TRNP1: variants seen among roughly 807,000 people sequenced by gnomAD.
The protein encoded by TRNP1 is TMF-regulated nuclear protein 1.
A neutral mutation model predicts 12.2 loss-of-function variants in TRNP1; 16 were observed. The ratio of observed to expected loss-of-function variants is 1.31; its 90% CI spans 0.89 to 1.99. The LOEUF is 1.99. Among genes scored for constraint, TRNP1 ranks in the 30% most tolerant of loss-of-function variants. TRNP1 has a pLI of 0.00. For missense variants in TRNP1, 338 were observed against 330.4 expected (o/e 1.02, Z -0.18); for synonymous variants, 139 against 166.2 (o/e 0.84, Z 1.26).
chr1:26,994,215 CCG>C lies in TRNP1; in HGVS notation c.434_435del (p.Ala145GlyfsTer127). 7.8e-7 allele frequency: 1 copy of C among 1,280,090 alleles called. No homozygotes were observed. Among genetic ancestry groups the C allele is most frequent in the Non-Finnish European group, 9.9e-7 (1 of 1,008,882 alleles). 79.3% of individuals were successfully genotyped at this position (1,280,090 alleles called of 1,614,324 possible). A position where few individuals can be genotyped will look rare whatever the true frequency, so the allele number is the denominator to read the frequency against. On this transcript the variant is annotated frameshift_variant, in exon 1 of 2. Coordinates refer to ENST00000522111, the MANE Select transcript of TRNP1 (RefSeq NM_001013642.3). LOFTEE classifies it high-confidence loss of function. This position sits in a 1 kb window ranked among gnomAD's most constrained non-coding sequence, Gnocchi z 6.9. ...TGGCGGCCGAGCTGCGCCTGGCGCA[CCG>C]CGCGGAGAGCCTGAGCCGCCTGAGC... ...FLAAELRLAH[R>X]AESLSRLSGG...
chr1:26,994,067 CG>C lies in TRNP1; in HGVS notation c.286del (p.Ala96ArgfsTer53). 1.6e-6 allele frequency: 2 copies of C among 1,215,902 alleles called. No individual in the cohort carries two copies. The highest frequency in any genetic ancestry group is 2.0e-6 in the Non-Finnish European group (2 of 979,246). The allele number at this position is 1,215,902 out of a possible 1,614,324, so 75.3% of individuals were successfully genotyped here. A position where few individuals can be genotyped will look rare whatever the true frequency, so the allele number is the denominator to read the frequency against. ...AGPGGGSGAA[A>X]GAGGRALELA... ...CCCGGAGGGGGCTCTGGCGCGGCTG[CG>C]GGGGCGGGGGGCCGCGCGCTGGAGC... is the stretch of plus-strand genomic sequence containing the variant. On this transcript the variant is annotated frameshift_variant, in exon 1 of 2. Transcript: ENST00000522111. LOFTEE classifies it high-confidence loss of function. The surrounding 1 kb of genome is among the most constrained non-coding windows in gnomAD (Gnocchi z 6.9).
chr1:26,994,674 G>A lies in TRNP1; in HGVS notation c.*142+62G>A, dbSNP rs959732214. The A allele has an allele frequency of 5.6e-5, 14 of 248,876 alleles. No individual in the cohort carries two copies. Among genetic ancestry groups the A allele is most frequent in the Non-Finnish European group, 4.3e-5 (6 of 140,782 alleles). 15.4% of individuals were successfully genotyped at this position (248,876 alleles called of 1,614,324 possible). ...CATGGCGTGTGGGGGGCTGGTCCAG[G>A]GCCCGGGAACTCCCTTCCCTGGAGC... On this transcript the variant is annotated intron_variant, in intron 1 of 1. Coordinates refer to ENST00000522111, the MANE Select transcript of TRNP1 (RefSeq NM_001013642.3). This position sits in a 1 kb window ranked among gnomAD's most constrained non-coding sequence, Gnocchi z 6.9.
Position 26,994,865 on chromosome 1 carries a change from G to C in TRNP1, c.*142+253G>C, listed in dbSNP as rs781581818. ...GTTGGCGGCAAACTTTTACCACTTG[G>C]AACCTGCCGCACGGATGCAGCACCC... On this transcript the variant is annotated intron_variant, in intron 1 of 1. Transcript: ENST00000522111. The surrounding 1 kb of genome is among the most constrained non-coding windows in gnomAD (Gnocchi z 6.9). Among the ~76,000 whole-genome samples the C allele has an allele frequency of 1.3e-5, 2 of 152,202 alleles. No homozygotes were observed. The highest frequency in any genetic ancestry group is 2.9e-5 in the Non-Finnish European group (2 of 68,038).
chr1:26,997,318 G>GAAAAAAAA (rs3028529), intron 1 of TRNP1, among the ~76,000 whole-genome samples: 1 of 81,838 alleles, frequency 1.2e-5, no homozygotes, highest in Admixed American at 1.4e-4. Flanking sequence ...TGTGTCTCAA[G>GAAAAAAAA]AAAAAAAAAA....
At position 26,994,394 on chromosome 1, in the gene TRNP1, G is replaced by A; in HGVS notation, c.608G>A (p.Arg203Gln). 1.8e-6 allele frequency: 2 copies of A among 1,124,672 alleles called. No individual in the cohort carries two copies. The highest frequency in any genetic ancestry group is 2.2e-6 in the Non-Finnish European group (2 of 920,354). 69.7% of individuals were successfully genotyped at this position (1,124,672 alleles called of 1,614,324 possible). ...GCVPWGAGRL[R>Q]RGHGPEPDSP... ...GTGCCCTGGGGTGCCGGGCGACTGC[G>A]GCGCGGCCACGGCCCCGAGCCCGAC... The change falls in exon 1 of 2, where the codon CGG becomes CAG. Residue 203 changes from arginine to glutamine, a missense_variant. Physicochemically the swap from Arg to Gln is conservative, Grantham distance 43 (BLOSUM62 1). Coordinates refer to ENST00000522111, the MANE Select transcript of TRNP1 (RefSeq NM_001013642.3). This position sits in a 1 kb window ranked among gnomAD's most constrained non-coding sequence, Gnocchi z 6.9.
At position 26,993,699 on chromosome 1, in the gene TRNP1, G is replaced by A. The variant is rs375962327; in HGVS notation, c.-88G>A. 1.3e-5 allele frequency: 16 copies of A among 1,235,386 alleles called. No homozygotes were observed. Among genetic ancestry groups the A allele is most frequent in the Non-Finnish European group, 1.5e-5 (15 of 989,648 alleles). 76.5% of individuals were successfully genotyped at this position (1,235,386 alleles called of 1,614,324 possible). A position where few individuals can be genotyped will look rare whatever the true frequency, so the allele number is the denominator to read the frequency against. ...GACGGCGGGCGCGCCTCTGGGGTGG[G>A]GGCTGTGGCCGTGTCTAGCTGTTCG... On this transcript the variant is annotated 5_prime_UTR_variant, in exon 1 of 2. Transcript: ENST00000522111.
chr1:26,997,238 T>C (rs2082549291), intron 1 of TRNP1, among the ~76,000 whole-genome samples: 1 of 140,106 alleles, frequency 7.1e-6, no homozygotes, highest in Admixed American at 8.2e-5. Flanking sequence ...CTCGGGAGGC[T>C]GAGAAAGAAT....
At chr1:26,995,205 TCA>T (rs1474669178) in intron 1 of TRNP1, among the ~76,000 whole-genome samples, 6 of 152,214 alleles carry the variant, frequency 3.9e-5, no homozygotes, top group Non-Finnish European at 5.9e-5. Flanking sequence ...ACAGCCTGAC[TCA>T]CATAACCAGG....
At chr1:26,999,392 AAAAG>A (rs1225530665) in intron 1 of TRNP1, among the ~76,000 whole-genome samples, 2 of 152,216 alleles carry the variant, frequency 1.3e-5, no homozygotes, top group Non-Finnish European at 2.9e-5. Flanking sequence ...CTCAAAAAGA[AAAAG>A]AAAACTTGAG....
At chr1:26,995,297 A>G (rs558590996) in intron 1 of TRNP1, among the ~76,000 whole-genome samples, 2 of 152,320 alleles carry the variant, frequency 1.3e-5, no homozygotes, top group African/African-American at 4.8e-5. Context: ...TGTTACTAAG[A>G]TGGCTCGGCC....
Position 26,993,990 on chromosome 1 carries a change from G to C in TRNP1, c.204G>C (p.Gln68His). 1 of 1,303,138 alleles carries C rather than the reference G, an allele frequency of 7.7e-7. No individual in the cohort carries two copies. The highest frequency in any genetic ancestry group is 9.7e-7 in the Non-Finnish European group (1 of 1,028,130). The allele number at this position is 1,303,138 out of a possible 1,614,324, so 80.7% of individuals were successfully genotyped here. Residue 68 changes from glutamine to histidine, a missense_variant, in exon 1 of 2, where the codon CAG becomes CAC. Physicochemically the swap from Gln to His is conservative, Grantham distance 24. Coordinates refer to ENST00000522111, the MANE Select transcript of TRNP1 (RefSeq NM_001013642.3). The stretch of plus-strand genomic sequence containing the variant: ...CTTCAGCAGGCGCGGCCGAGGACCA[G>C]GAGCTGCAGCGCTGGCGCCAGGGCG... ...AGASAGAAED[Q>H]ELQRWRQGAS...
In TRNP1 at chr1:26,993,909, CT is replaced by C; in HGVS notation, c.125del (p.Leu42Ter). 1 of 1,381,960 alleles carries C rather than the reference CT, an allele frequency of 7.2e-7. No individual in the cohort carries two copies. The highest frequency in any genetic ancestry group is 9.3e-7 in the Non-Finnish European group (1 of 1,076,210). The allele number at this position is 1,381,960 out of a possible 1,614,324, so 85.6% of individuals were successfully genotyped here. ...SSQPPPPTPT[L>X]TPTPTPGQSP... is the part of the protein sequence containing the mutation. ...CTCAGCCCCCGCCCCCAACTCCGAC[CT>C]TGACTCCTACCCCGACCCCGGGTCA... is the stretch of plus-strand genomic sequence containing the variant. On this transcript the variant is annotated frameshift_variant, in exon 1 of 2. Coordinates refer to ENST00000522111, the MANE Select transcript of TRNP1 (RefSeq NM_001013642.3). LOFTEE classifies it high-confidence loss of function.
In TRNP1 at chr1:26,993,714, C is replaced by T; in HGVS notation, c.-73C>T. ...TCTGGGGTGGGGGCTGTGGCCGTGTCTAGCTGTTCGGGTGTGCTGTGGTCA... is the reference window on the plus strand; with the variant it reads ...TCTGGGGTGGGGGCTGTGGCCGTGTTTAGCTGTTCGGGTGTGCTGTGGTCA... On this transcript the variant is annotated 5_prime_UTR_variant, in exon 1 of 2. Coordinates refer to ENST00000522111, the MANE Select transcript of TRNP1 (RefSeq NM_001013642.3). 5 of 1,235,906 alleles carry T rather than the reference C, an allele frequency of 4.0e-6. No homozygotes were observed. The highest frequency in any genetic ancestry group is 5.0e-6 in the Non-Finnish European group (5 of 991,180). 76.6% of individuals were successfully genotyped at this position (1,235,906 alleles called of 1,614,324 possible). A position where few individuals can be genotyped will look rare whatever the true frequency, so the allele number is the denominator to read the frequency against.
In TRNP1 at chr1:26,993,884, C is replaced by T; in HGVS notation, c.98C>T (p.Ser33Phe). 2.2e-6 allele frequency: 3 copies of T among 1,374,770 alleles called. No homozygotes were observed. Among genetic ancestry groups the T allele is most frequent in the East Asian group, 3.1e-5 (1 of 32,666 alleles). 85.2% of individuals were successfully genotyped at this position (1,374,770 alleles called of 1,614,324 possible). The change falls in exon 1 of 2, where the codon TCT becomes TTT. Residue 33 changes from serine (S) to phenylalanine (F), a missense_variant. Transcript: ENST00000522111. ...PPPPWDPMPS[S>F]QPPPPTPTLT... ...CCGCCCTGGGATCCCATGCCGTCCT[C>T]TCAGCCCCCGCCCCCAACTCCGACC...
rs1234544180 is a variant in TRNP1, at chr1:26,993,858, G to A, written c.72G>A (p.Pro24=). The A allele has an allele frequency of 1.5e-6, 2 of 1,357,312 alleles. No individual in the cohort carries two copies. The highest frequency in any genetic ancestry group is 1.9e-6 in the Non-Finnish European group (2 of 1,062,368). 84.1% of individuals were successfully genotyped at this position (1,357,312 alleles called of 1,614,324 possible). Reference sequence around the variant, plus strand: ...GGACGGCAGAGCAGAGGTCGCCGCCGCCGCCCTGGGATCCCATGCCGTCCT... The same window carrying A: ...GGACGGCAGAGCAGAGGTCGCCGCCACCGCCCTGGGATCCCATGCCGTCCT... ...QEGTAEQRSP[P]PPWDPMPSSQ... is the part of the protein sequence containing the mutation. Residue 24 remains proline, a synonymous_variant, in exon 1 of 2, where the codon CCG becomes CCA. Transcript: ENST00000522111.
intron 1 of TRNP1, among the ~76,000 whole-genome samples, chr1:26,998,158 C>T (rs932472175): frequency 5.3e-5 from 8 of 151,416 alleles, no homozygotes; most frequent in African/African-American, 9.7e-5. Flanking sequence ...TTGAGGCGGG[C>T]GGATCACGAG....
At chr1:26,996,762 TG>T (rs2082547184) in intron 1 of TRNP1, among the ~76,000 whole-genome samples, 1 of 151,338 alleles carries the variant, frequency 6.6e-6, no homozygotes, top group Non-Finnish European at 1.5e-5. Flanking sequence ...GTGGGGTGGG[TG>T]AGTAGAGAAT....
At chr1:26,998,469 C>G (rs1393851926) in intron 1 of TRNP1, among the ~76,000 whole-genome samples, 1 of 152,182 alleles carries the variant, frequency 6.6e-6, no homozygotes, top group Non-Finnish European at 1.5e-5. Context: ...AGAACCTGGC[C>G]AAGGTGGTCC....
intron 1 of TRNP1, among the ~76,000 whole-genome samples, chr1:26,995,024 A>G (rs2082538837): frequency 6.6e-6 from 1 of 152,156 alleles, no homozygotes; most frequent in African/African-American, 2.4e-5. Context: ...AGGCCCCAGG[A>G]TGGGGTGGAG....
Sources: gnomAD v4.1 joint callset for allele counts (sites outside exome capture counted in the v4.1 genomes callset) on GRCh38, gnomAD v4.1.1 for gene constraint, Gnocchi (gnomAD v3.1) non-coding constraint, MANE v1.5 for transcripts, NCBI Gene and HGNC (gene_info 2026-07-23, HGNC 2026-07-21) for gene names.